The following MSRA variants were observed in gnomAD, a reference collection of about 807,000 sequenced individuals.
The protein encoded by MSRA is methionine sulfoxide reductase A, also known as mitochondrial peptide methionine sulfoxide reductase.
MSRA carries 54 observed loss-of-function variants against 31.3 expected under a neutral mutation model. The ratio of observed to expected loss-of-function variants is 1.73; its 90% CI spans 1.39 to 2.17. The LOEUF is 2.17. Ranked by LOEUF, MSRA falls within the 30% of genes most tolerant of loss-of-function variation. The pLI, the probability that MSRA is intolerant of heterozygous loss-of-function variation, is 0.00. For missense variants in MSRA, 507 were observed against 300.9 expected (o/e 1.69, Z -5.07); for synonymous variants, 169 against 116.5 (o/e 1.45, Z -2.90).
chr8:10,233,753 A>G (rs1245310915), intron 2 of MSRA, among the ~76,000 whole-genome samples: 4 of 152,238 alleles, frequency 2.6e-5, no homozygotes, highest in African/African-American at 9.6e-5. Flanking sequence ...TTGCGAGAAT[A>G]GTGGAGAAGC....
intron 2 of MSRA, among the ~76,000 whole-genome samples, chr8:10,240,959 C>G (rs1175870900): frequency 6.6e-6 from 1 of 152,072 alleles, no homozygotes; most frequent in East Asian, 1.9e-4. Flanking sequence ...CTGGGGGAGT[C>G]TGGCTTCCTA....
intron 3 of MSRA, among the ~76,000 whole-genome samples, chr8:10,269,198 T>C (rs963522027): frequency 6.6e-6 from 1 of 152,240 alleles, no homozygotes; most frequent in East Asian, 1.9e-4. Context: ...CAAACAATTG[T>C]GCTCCAACAA....
At chr8:10,242,219 C>T (rs890417919) in intron 2 of MSRA, among the ~76,000 whole-genome samples, 21 of 150,776 alleles carry the variant, frequency 1.4e-4, no homozygotes, top group African/African-American at 3.7e-4. Flanking sequence ...TGCAGTGAGC[C>T]GAGATTGCGC....
intron 4 of MSRA, among the ~76,000 whole-genome samples, chr8:10,318,819 A>C (rs1801874213): frequency 1.3e-5 from 2 of 152,142 alleles, no homozygotes; most frequent in Admixed American, 6.5e-5. Context: ...TGAGGGTACC[A>C]TGCTCATCCT....
At chr8:10,148,810 A>G (rs1047512805) in intron 1 of MSRA, among the ~76,000 whole-genome samples, 4 of 125,560 alleles carry the variant, frequency 3.2e-5, no homozygotes, top group African/African-American at 1.2e-4. Flanking sequence ...GCAAAAAAAA[A>G]AAAAAAGGAA....
intron 3 of MSRA, among the ~76,000 whole-genome samples, chr8:10,294,173 C>G (rs1257925078): frequency 6.6e-6 from 1 of 152,054 alleles, no homozygotes; most frequent in Non-Finnish European, 1.5e-5. Context: ...TGCACTCCAG[C>G]CTGGGCAAGA....
At chr8:10,288,415 T>C (rs67455183) in intron 3 of MSRA, among the ~76,000 whole-genome samples, 2 of 152,076 alleles carry the variant, frequency 1.3e-5, no homozygotes, top group African/African-American at 4.8e-5. Flanking sequence ...AATCAGGTGG[T>C]TTGGTGCTGT....
At chr8:10,263,539 C>G (rs1332618796) in intron 3 of MSRA, among the ~76,000 whole-genome samples, 1 of 152,190 alleles carries the variant, frequency 6.6e-6, no homozygotes, top group Non-Finnish European at 1.5e-5. Flanking sequence ...GTACCAAAAC[C>G]GGGAATCATT....
intron 1 of MSRA, among the ~76,000 whole-genome samples, chr8:10,186,160 T>C (rs964916100): frequency 5.3e-5 from 8 of 152,198 alleles, no homozygotes; most frequent in African/African-American, 1.2e-4. Context: ...GTGGCCCTTT[T>C]CCTATCATGT....
intron 1 of MSRA, among the ~76,000 whole-genome samples, chr8:10,081,144 C>G (rs1798272872): frequency 6.6e-6 from 1 of 152,176 alleles, no homozygotes; most frequent in African/African-American, 2.4e-5. Context: ...GAGGGCCATC[C>G]ACAGCAACAG....
chr8:10,408,860 C>G (rs1807983438), intron 5 of MSRA, among the ~76,000 whole-genome samples: 1 of 151,746 alleles, frequency 6.6e-6, no homozygotes, highest in African/African-American at 2.4e-5. Context: ...AGCATAATGG[C>G]CTCCAGTTCT....
chr8:10,121,722 A>T (rs999201737), intron 1 of MSRA, among the ~76,000 whole-genome samples: 2 of 151,628 alleles, frequency 1.3e-5, no homozygotes, highest in African/African-American at 4.9e-5. Context: ...CTAGGCTGGC[A>T]TGCAGCGGTA....
At chr8:10,399,362 G>A (rs1423252899) in intron 5 of MSRA, among the ~76,000 whole-genome samples, 1 of 152,174 alleles carries the variant, frequency 6.6e-6, no homozygotes, top group Non-Finnish European at 1.5e-5. Flanking sequence ...AGTGTTGGCG[G>A]TGGGCCTGGT....
intron 3 of MSRA, among the ~76,000 whole-genome samples, chr8:10,270,797 G>T (rs945502095): frequency 6.6e-6 from 1 of 152,176 alleles, no homozygotes; most frequent in Admixed American, 6.5e-5. Context: ...CAAGATCTTC[G>T]GGCTTTTCTT....
chr8:10,148,185 C>G (rs988702335), intron 1 of MSRA, among the ~76,000 whole-genome samples: 1 of 152,090 alleles, frequency 6.6e-6, no homozygotes, highest in Non-Finnish European at 1.5e-5. Flanking sequence ...TTTCTGGAAA[C>G]GCAAGGATGG....
chr8:10,215,397 G>C (rs1330371201), intron 2 of MSRA, among the ~76,000 whole-genome samples: 2 of 152,200 alleles, frequency 1.3e-5, no homozygotes, highest in African/African-American at 4.8e-5. Flanking sequence ...GTCAGGAAAT[G>C]ATGCATTGGC....
chr8:10,113,386 A>G (rs1044111708), intron 1 of MSRA, among the ~76,000 whole-genome samples: 2 of 143,150 alleles, frequency 1.4e-5, no homozygotes, highest in African/African-American at 2.6e-5. Context: ...GGGAGGATCT[A>G]TGGCAGACTG....
intron 1 of MSRA, among the ~76,000 whole-genome samples, chr8:10,118,023 C>A (rs184659390): frequency 9.0e-4 from 137 of 152,294 alleles, no homozygotes; most frequent in South Asian, 5.8e-3. Context: ...AGGAAAGATA[C>A]AGACACCAAA....
intron 2 of MSRA, among the ~76,000 whole-genome samples, chr8:10,231,149 G>A (rs1811441237): frequency 6.6e-6 from 1 of 152,126 alleles, no homozygotes; most frequent in African/African-American, 2.4e-5. Context: ...AGACTGACTG[G>A]AAGGGATGAG....
Sources: allele counts gnomAD v4.1 joint callset (sites outside exome capture counted in the v4.1 genomes callset), GRCh38; gene constraint gnomAD v4.1.1; transcripts MANE v1.5; gene names NCBI Gene and HGNC (gene_info 2026-07-23, HGNC 2026-07-21).